Variants in LRRC28 observed in about 807,000 individuals in gnomAD.
The protein encoded by LRRC28 is leucine rich repeat containing 28, also known as leucine-rich repeat-containing protein 28.
Under a neutral mutation model 45.7 loss-of-function variants are expected in LRRC28, and 39 were observed. The ratio of observed to expected loss-of-function variants is 0.85; its 90% CI spans 0.66 to 1.12. The LOEUF is 1.12. LRRC28 is among the 50% of genes most tolerant of loss of function. The pLI is 0.00. For missense variants in LRRC28, 435 were observed against 438.5 expected, an observed-to-expected ratio of 0.99 and a Z score of 0.07; for synonymous variants, 206 against 178.8, an observed-to-expected ratio of 1.15 and a Z score of -1.22.
intron 2 of LRRC28, among the ~76,000 whole-genome samples, chr15:99,262,349 A>C (rs1226756410): frequency 6.6e-6 from 1 of 152,132 alleles, no homozygotes; most frequent in Non-Finnish European, 1.5e-5. Flanking sequence ...TGGGAGGCCA[A>C]GGTGGGCAGA....
intron 2 of LRRC28, among the ~76,000 whole-genome samples, chr15:99,275,550 CTGCCG>C (rs2081595260): frequency 6.6e-6 from 1 of 152,206 alleles, no homozygotes; most frequent in Non-Finnish European, 1.5e-5. Context: ...TTTTTCAGGG[CTGCCG>C]TGACAAATTA....
intron 6 of LRRC28, among the ~76,000 whole-genome samples, chr15:99,351,079 C>T (rs991972057): frequency 3.3e-5 from 5 of 152,140 alleles, no homozygotes; most frequent in African/African-American, 1.2e-4. Context: ...GGATTACAGG[C>T]ATAAGCACCA....
intron 5 of LRRC28, among the ~76,000 whole-genome samples, chr15:99,298,539 G>A (rs2082322685): frequency 6.6e-6 from 1 of 152,086 alleles, no homozygotes; most frequent in South Asian, 2.1e-4. Flanking sequence ...TGCTGAAAAT[G>A]TTGTGGTTGC....
chr15:99,321,637 A>G (rs1001559389), intron 5 of LRRC28, among the ~76,000 whole-genome samples: 1 of 152,200 alleles, frequency 6.6e-6, no homozygotes, highest in South Asian at 2.1e-4. Flanking sequence ...TAATTTTGCT[A>G]AGCAACAAAT....
At chr15:99,287,985 G>A (rs769007228) in intron 5 of LRRC28, 34 bp downstream of exon 5, 2 of 1,564,046 alleles carry the variant, frequency 1.3e-6, no homozygotes, top group Non-Finnish European at 8.7e-7. Context: ...ATAGTTTCTT[G>A]TCTATTATAA....
intron 9 of LRRC28, among the ~76,000 whole-genome samples, chr15:99,364,448 C>T (rs1335481952): frequency 1.3e-5 from 2 of 152,152 alleles, no homozygotes; most frequent in Non-Finnish European, 2.9e-5. Flanking sequence ...ATGTTTCCTG[C>T]TTACAGGAGC....
intron 6 of LRRC28, among the ~76,000 whole-genome samples, chr15:99,340,692 C>T (rs1204283485): frequency 6.6e-6 from 1 of 152,060 alleles, no homozygotes; most frequent in Non-Finnish European, 1.5e-5. Context: ...CTAGTATGGA[C>T]AAAAAGTCCG....
intron 5 of LRRC28, among the ~76,000 whole-genome samples, chr15:99,300,456 A>G (rs1007887988): frequency 6.6e-6 from 1 of 152,006 alleles, no homozygotes; most frequent in Non-Finnish European, 1.5e-5. Context: ...AATACTTATA[A>G]TTTTTTTGTT....
chr15:99,375,499 G>C (rs181619381), intron 9 of LRRC28, among the ~76,000 whole-genome samples: 10 of 152,146 alleles, frequency 6.6e-5, no homozygotes, highest in Middle Eastern at 3.4e-3. Flanking sequence ...GTTAGGAAGT[G>C]TTCTTCTTCT....
chr15:99,346,986 CAAAT>C (rs1384829493), intron 6 of LRRC28, among the ~76,000 whole-genome samples: 3 of 152,080 alleles, frequency 2.0e-5, no homozygotes, highest in Admixed American at 6.5e-5. Flanking sequence ...TGTAGACAAA[CAAAT>C]GAACATATCT....
intron 2 of LRRC28, among the ~76,000 whole-genome samples, chr15:99,267,183 A>G (rs1209760337): frequency 6.6e-6 from 1 of 152,220 alleles, no homozygotes; most frequent in Non-Finnish European, 1.5e-5. Flanking sequence ...TTTATGCCAT[A>G]TTGACATAGA....
At chr15:99,270,157 A>G (rs1286641959) in intron 2 of LRRC28, among the ~76,000 whole-genome samples, 1 of 152,254 alleles carries the variant, frequency 6.6e-6, no homozygotes, top group Non-Finnish European at 1.5e-5. Context: ...ACATCAACTT[A>G]TTGATTCAAC....
intron 2 of LRRC28, among the ~76,000 whole-genome samples, chr15:99,264,398 T>C (rs1597168124): frequency 6.6e-6 from 1 of 150,966 alleles, no homozygotes; most frequent in East Asian, 1.9e-4. Context: ...GAGTGGGGGG[T>C]GGAACTTGGA....
intron 5 of LRRC28, among the ~76,000 whole-genome samples, chr15:99,294,138 A>C (rs184478641): frequency 2.0e-4 from 30 of 152,256 alleles, no homozygotes; most frequent in Admixed American, 1.8e-3. Flanking sequence ...TGGTATTAGC[A>C]GTTTGTATAT....
At chr15:99,288,894 A>G (rs988894034) in intron 5 of LRRC28, among the ~76,000 whole-genome samples, 17 of 151,488 alleles carry the variant, frequency 1.1e-4, no homozygotes, top group African/African-American at 4.1e-4. Flanking sequence ...TGGCTAGGCT[A>G]GTCTCAAACT....
chr15:99,258,687 T>G (rs1363515257), intron 2 of LRRC28: 1 of 722,276 alleles, frequency 1.4e-6, no homozygotes, highest in African/African-American at 1.7e-5. Flanking sequence ...TACAAAGCTT[T>G]CTGCAAATCA....
intron 2 of LRRC28, among the ~76,000 whole-genome samples, chr15:99,262,629 G>T: frequency 6.6e-6 from 1 of 152,060 alleles, no homozygotes; most frequent in East Asian, 1.9e-4. Flanking sequence ...TATTTGTATA[G>T]CTGAGAAACC....
rs182497919 is a variant in LRRC28, at chr15:99,264,777, A to G, written c.168+8652A>G. ...TTTTCCCCCCTCTCTTCTCTTTTCT[A>G]AGAGGACAGAGTAAATGCTGATAGG... is the stretch of plus-strand genomic sequence containing the variant. On this transcript the variant is annotated intron_variant, in intron 2 of 9. Coordinates refer to ENST00000301981, the MANE Select transcript of LRRC28 (RefSeq NM_144598.5). 1.6e-3 allele frequency among the ~76,000 whole-genome samples: 248 copies of G among 151,934 alleles called. 2 individuals are homozygous for G. The highest frequency in any genetic ancestry group is 5.8e-3 in the African/African-American group (242 of 41,406).
intron 5 of LRRC28, among the ~76,000 whole-genome samples, chr15:99,297,955 A>T (rs992279232): frequency 2.0e-5 from 3 of 152,114 alleles, no homozygotes; most frequent in African/African-American, 7.2e-5. Context: ...ACAAATACAT[A>T]CAGAAAAATA....
Sources: allele counts gnomAD v4.1 joint callset (sites outside exome capture counted in the v4.1 genomes callset), GRCh38; gene constraint gnomAD v4.1.1; transcripts MANE v1.5; gene names NCBI Gene and HGNC (gene_info 2026-07-23, HGNC 2026-07-21).